Variants in FXR1 observed in about 807,000 individuals in gnomAD.
The protein encoded by FXR1 is RNA-binding protein FXR1.
Under a neutral mutation model 84.0 loss-of-function variants are expected in FXR1, and 15 were observed. That is an observed-to-expected ratio of 0.18 (90% CI 0.12 to 0.27). The LOEUF (loss-of-function observed/expected upper bound fraction) is 0.27. Ranked by LOEUF, FXR1 falls within the 10% of genes least tolerant of loss-of-function variation. The pLI is 1.00. For synonymous variants in FXR1, 245 were observed against 250.7 expected, an observed-to-expected ratio of 0.98 and a Z score of 0.21; for missense variants, 480 against 774.4, an observed-to-expected ratio of 0.62 and a Z score of 4.51.
Position 180,914,054 on chromosome 3 carries a change from C to G in FXR1, c.51+1318C>G, listed in dbSNP as rs1367033724. ...TGGGGAATCACAGCGTATAAAGGATCCCCCTAAGCTTTTTGCAAGTTTAAA... is the reference window on the plus strand; with the variant it reads ...TGGGGAATCACAGCGTATAAAGGATGCCCCTAAGCTTTTTGCAAGTTTAAA... On this transcript the variant is annotated intron_variant, in intron 1 of 16. Coordinates refer to ENST00000357559, the MANE Select transcript of FXR1 (RefSeq NM_005087.4). 2.0e-5 allele frequency among the ~76,000 whole-genome samples: 3 copies of G among 152,142 alleles called. No homozygotes were observed. The East Asian group carries it at 5.8e-4, about 29-fold the overall frequency.
At chr3:180,933,120 A>G in intron 1 of FXR1, 3 of 500,208 alleles carry the variant, frequency 6.0e-6, no homozygotes, top group South Asian at 2.7e-5. Flanking sequence ...TCCCAGGTAG[A>G]TGACACCGGG....
intron 15 of FXR1, among the ~76,000 whole-genome samples, chr3:180,974,747 CTTATT>C (rs1383904552): frequency 2.0e-5 from 3 of 151,926 alleles, no homozygotes; most frequent in East Asian, 1.9e-4. Flanking sequence ...CTTGTAGTTT[CTTATT>C]TTAATCACTC....
chr3:180,969,689 A>G (rs1037689583), intron 14 of FXR1, among the ~76,000 whole-genome samples: 2 of 152,202 alleles, frequency 1.3e-5, no homozygotes, highest in Non-Finnish European at 2.9e-5. Flanking sequence ...ATTATTTGGG[A>G]AACAGTCCAT....
chr3:180,980,064 T>G lies in FXR1; in HGVS notation c.*3772T>G, dbSNP rs1326350773. 1 of 152,076 alleles carries G rather than the reference T, an allele frequency of 6.6e-6. No homozygotes were observed. The highest frequency in any genetic ancestry group is 2.4e-5 in the African/African-American group (1 of 41,442). The allele number at this position is 152,076 out of a possible 1,614,324, so 9.4% of individuals were successfully genotyped here. On this transcript the variant is annotated 3_prime_UTR_variant, in exon 17 of 17. Coordinates refer to ENST00000357559, the MANE Select transcript of FXR1 (RefSeq NM_005087.4). ...CTCTATTAACTTTTTCTCTATGGTT[T>G]CAATTTTATCCAACCAGAGAGGGCT...
chr3:180,946,085 G>T (rs897473806), intron 3 of FXR1, among the ~76,000 whole-genome samples: 2 of 151,878 alleles, frequency 1.3e-5, no homozygotes, highest in African/African-American at 2.4e-5. Context: ...TCTTCTCTTC[G>T]CAATTATGAG....
In FXR1 at chr3:180,915,658, TCCTCTTA is replaced by T. The variant is rs749128307; in HGVS notation, c.51+2925_51+2931del. The T allele has an allele frequency of 8.2e-5, 58 of 707,406 alleles. No individual in the cohort carries two copies. In the South Asian group the frequency reaches 8.3e-4, roughly 10 times the overall value. 43.8% of individuals were successfully genotyped at this position (707,406 alleles called of 1,614,324 possible). A position where few individuals can be genotyped will look rare whatever the true frequency, so the allele number is the denominator to read the frequency against. ...TGATCTGAATTTCCCTTTTTTCCCC[TCCTCTTA>T]CCCCGTATAGGCAGAAGACACACAT... On this transcript the variant is annotated intron_variant, in intron 1 of 16. Coordinates refer to ENST00000357559, the MANE Select transcript of FXR1 (RefSeq NM_005087.4).
intron 1 of FXR1, among the ~76,000 whole-genome samples, chr3:180,921,961 C>T (rs543078487): frequency 3.9e-5 from 6 of 152,066 alleles, no homozygotes; most frequent in Admixed American, 1.3e-4. Context: ...TATATAGGTA[C>T]GCATTCAGTT....
In FXR1 at chr3:180,976,193, T is replaced by C. The variant is rs2108500262; in HGVS notation, c.1767T>C (p.Asp589=). The stretch of plus-strand genomic sequence containing the variant: ...ACGGCCCAACTAGTGCTTCTGGCGA[T>C]GACATTTCTAAGCTACAGCGTACTC... ...AINGPTSASG[D]DISKLQRTPG... Residue 589 remains aspartate (D), a synonymous_variant, in exon 17 of 17, where the codon GAT becomes GAC. Coordinates refer to ENST00000357559, the MANE Select transcript of FXR1 (RefSeq NM_005087.4). The C allele has an allele frequency of 6.2e-7, 1 of 1,612,994 alleles. No homozygotes were observed. Among genetic ancestry groups the C allele is most frequent in the East Asian group, 2.2e-5 (1 of 44,864 alleles).
intron 3 of FXR1, among the ~76,000 whole-genome samples, chr3:180,944,769 C>T (rs1721519099): frequency 6.6e-6 from 1 of 152,182 alleles, no homozygotes; most frequent in South Asian, 2.1e-4. Context: ...ATTACAGGCA[C>T]ATGCCACCAT....
rs1473312560 is a variant in FXR1 at position 180,962,893 on chromosome 3, A to G, written c.1088A>G (p.Gln363Arg). The G allele has an allele frequency of 1.2e-6, 2 of 1,608,778 alleles. No individual in the cohort carries two copies. Among genetic ancestry groups the G allele is most frequent in the Non-Finnish European group, 1.7e-6 (2 of 1,175,416 alleles). ...YHIAYLKEVE[Q>R]LRMERLQIDE... Reference sequence around the variant, plus strand: ...TTGTTTTGATTGTAGGAAGTAGAACAGCTAAGAATGGAACGCCTACAGATT... The same window carrying G: ...TTGTTTTGATTGTAGGAAGTAGAACGGCTAAGAATGGAACGCCTACAGATT... Residue 363 changes from glutamine (Q) to arginine (R), a missense_variant, in exon 12 of 17, where the codon CAG (glutamine) becomes CGG (arginine). Transcript: ENST00000357559.
intron 9 of FXR1, among the ~76,000 whole-genome samples, chr3:180,956,465 T>G (rs1209864175): frequency 6.6e-6 from 1 of 152,168 alleles, no homozygotes; most frequent in Non-Finnish European, 1.5e-5. Flanking sequence ...TGATGGATGA[T>G]CACTCAAAAC....
intron 1 of FXR1, chr3:180,915,412 A>G (rs896646975): frequency 3.7e-6 from 3 of 805,640 alleles, no homozygotes; most frequent in Non-Finnish European, 3.9e-6. Flanking sequence ...AACGTTACGT[A>G]TATAGAATCG....
chr3:180,940,884 G>GT (rs1721054570), intron 3 of FXR1, among the ~76,000 whole-genome samples: 1 of 152,122 alleles, frequency 6.6e-6, no homozygotes, highest in Non-Finnish European at 1.5e-5. Flanking sequence ...CCCTGATAAT[G>GT]TTTTTTGTAA....
At chr3:180,965,895 T>A (rs1485885890) in intron 13 of FXR1, among the ~76,000 whole-genome samples, 1 of 152,186 alleles carries the variant, frequency 6.6e-6, no homozygotes, top group African/African-American at 2.4e-5. Flanking sequence ...TAGGTTAAAT[T>A]TAAGGAAGAC....
chr3:180,926,564 A>G (rs1295586196), intron 1 of FXR1, among the ~76,000 whole-genome samples: 5 of 149,170 alleles, frequency 3.4e-5, no homozygotes, highest in East Asian at 1.9e-4. Flanking sequence ...TTGTTTTGCA[A>G]TCAGAAAACT....
chr3:180,960,432 A>C (rs529786548), intron 10 of FXR1, among the ~76,000 whole-genome samples: 1 of 152,262 alleles, frequency 6.6e-6, no homozygotes, highest in South Asian at 2.1e-4. Flanking sequence ...GTATCTATCT[A>C]GTCTGTAAGT....
intron 3 of FXR1, among the ~76,000 whole-genome samples, chr3:180,940,756 G>A (rs524005): frequency 0.5 from 75,526 of 151,628 alleles, 21,411 homozygotes; most frequent in African/African-American, 0.79. Flanking sequence ...TTGTATTTTT[G>A]GTAGAGACGG....
chr3:180,918,629 G>T (rs1388610066), intron 1 of FXR1, among the ~76,000 whole-genome samples: 1 of 152,180 alleles, frequency 6.6e-6, no homozygotes, highest in Non-Finnish European at 1.5e-5. Context: ...CCTAATTCTT[G>T]TAATAGTTTT....
chr3:180,917,301 A>G (rs957623526), intron 1 of FXR1, among the ~76,000 whole-genome samples: 1 of 152,226 alleles, frequency 6.6e-6, no homozygotes, highest in African/African-American at 2.4e-5. Context: ...GATGACCAAT[A>G]GAATTATAGT....
Sources: gnomAD v4.1 joint callset for allele counts (sites outside exome capture counted in the v4.1 genomes callset) on GRCh38, gnomAD v4.1.1 for gene constraint, MANE v1.5 for transcripts, NCBI Gene and HGNC (gene_info 2026-07-23, HGNC 2026-07-21) for gene names.